KCNK2: variants seen among roughly 807,000 people sequenced by gnomAD.
KCNK2 encodes potassium channel subfamily K member 2.
KCNK2 carries 21 observed loss-of-function variants against 40.5 expected under a neutral mutation model. The observed-to-expected ratio is 0.52, with a 90% confidence interval of 0.37 to 0.75. The LOEUF is 0.75. KCNK2 is among the 30% of genes least tolerant of loss of function. KCNK2 has a pLI of 0.00. For synonymous variants in KCNK2, 191 were observed against 202.2 expected (o/e 0.94, Z 0.47); for missense variants, 399 against 531.6 (o/e 0.75, Z 2.45).
intron 6 of KCNK2, among the ~76,000 whole-genome samples, chr1:215,202,069 T>C (rs1298138168): frequency 6.6e-6 from 1 of 152,226 alleles, no homozygotes; most frequent in African/African-American, 2.4e-5. Flanking sequence ...AAATGACTAC[T>C]TGAAATTGGA....
At chr1:215,012,845 C>G (rs548550327) in intron 1 of KCNK2, among the ~76,000 whole-genome samples, 15 of 151,934 alleles carry the variant, frequency 9.9e-5, no homozygotes, top group African/African-American at 3.4e-4. Flanking sequence ...ATTCCCTTAG[C>G]CATCTTTTAT....
intron 1 of KCNK2, 109 bp from the exon 2 acceptor site, chr1:215,086,259 A>T: frequency 5.8e-6 from 5 of 864,846 alleles, no homozygotes; most frequent in Non-Finnish European, 9.1e-6. Flanking sequence ...AGCTTCCACT[A>T]GGAGAGCGAG....
intron 3 of KCNK2, among the ~76,000 whole-genome samples, chr1:215,148,171 A>C (rs1007669766): frequency 1.4e-5 from 2 of 139,752 alleles, no homozygotes; most frequent in African/African-American, 5.5e-5. Context: ...CCTCAACTTC[A>C]TGAGCTCAAG....
At chr1:215,071,949 T>C (rs753881643) in intron 1 of KCNK2, among the ~76,000 whole-genome samples, 1 of 152,190 alleles carries the variant, frequency 6.6e-6, no homozygotes, top group Non-Finnish European at 1.5e-5. Context: ...AGATCTTGCC[T>C]TTGTCTATAA....
chr1:215,228,754 C>T (rs2102708932), intron 6 of KCNK2, among the ~76,000 whole-genome samples: 1 of 152,154 alleles, frequency 6.6e-6, no homozygotes, highest in Middle Eastern at 3.4e-3. Flanking sequence ...TTATCCAGAA[C>T]ACCAAAAGCA....
At chr1:215,010,737 G>A (rs1189550180) in intron 1 of KCNK2, among the ~76,000 whole-genome samples, 1 of 151,978 alleles carries the variant, frequency 6.6e-6, no homozygotes, top group African/African-American at 2.4e-5. Context: ...TCTGAGTAGT[G>A]TGAGCCTGAG....
chr1:215,060,413 A>G (rs1480224998), intron 1 of KCNK2, among the ~76,000 whole-genome samples: 2 of 152,174 alleles, frequency 1.3e-5, no homozygotes, highest in African/African-American at 4.8e-5. Flanking sequence ...TGTAGCCTAG[A>G]CACTGTCTTT....
chr1:215,229,895 T>C (rs1666549994), intron 6 of KCNK2, among the ~76,000 whole-genome samples: 1 of 151,696 alleles, frequency 6.6e-6, no homozygotes, highest in Non-Finnish European at 1.5e-5. Context: ...TGTTTAGGCC[T>C]TAGAAGTAAT....
intron 1 of KCNK2, among the ~76,000 whole-genome samples, chr1:215,066,261 C>T (rs10746453): frequency 0.51 from 77,916 of 151,550 alleles, 20,770 homozygotes; most frequent in South Asian, 0.81. Flanking sequence ...ACTTAAAGTA[C>T]AATAAAAAAA....
chr1:215,044,795 A>ATGTGTG (rs150179184), intron 1 of KCNK2, among the ~76,000 whole-genome samples: 1,963 of 145,668 alleles, frequency 0.013, 21 homozygotes, highest in African/African-American at 0.025. Context: ...GGATAAGTGT[A>ATGTGTG]TGTGTGTGTG....
chr1:215,193,080 A>T (rs912040194), intron 5 of KCNK2, among the ~76,000 whole-genome samples: 1 of 152,024 alleles, frequency 6.6e-6, no homozygotes, highest in Non-Finnish European at 1.5e-5. Context: ...TAGCAAAATT[A>T]AATTTCTCTA....
chr1:215,016,988 T>C (rs1656613191), intron 1 of KCNK2, among the ~76,000 whole-genome samples: 1 of 151,990 alleles, frequency 6.6e-6, no homozygotes, highest in African/African-American at 2.4e-5. Flanking sequence ...TGTATAAAAA[T>C]ATGCTTAACA....
intron 5 of KCNK2, among the ~76,000 whole-genome samples, chr1:215,187,849 T>TA (rs768043797): frequency 2.9e-3 from 285 of 97,336 alleles, no homozygotes; most frequent in Middle Eastern, 9.9e-3. Context: ...CTCAAAAATT[T>TA]AAAAAAAAAA....
chr1:215,046,734 G>A (rs1379621904), intron 1 of KCNK2, among the ~76,000 whole-genome samples: 1 of 151,936 alleles, frequency 6.6e-6, no homozygotes, highest in Non-Finnish European at 1.5e-5. Context: ...CTGAGGTAAT[G>A]GTAAAAAAAT....
At chr1:215,226,558 C>T (rs887505089) in intron 6 of KCNK2, among the ~76,000 whole-genome samples, 18 of 152,112 alleles carry the variant, frequency 1.2e-4, no homozygotes, top group Non-Finnish European at 2.4e-4. Context: ...ATCTCCTGAC[C>T]TCGCGATTCA....
Position 215,036,932 on chromosome 1 carries a change from G to A in KCNK2, c.34+30977G>A, listed in dbSNP as rs532381481. 1.4e-4 allele frequency among the ~76,000 whole-genome samples: 21 copies of A among 148,502 alleles called. 1 individual carries two copies. The highest frequency in any genetic ancestry group is 2.4e-4 in the Non-Finnish European group (16 of 67,072). Reference sequence around the variant, plus strand: ...TAATATTTGCTTTGTAGATGCTTTAGAATTTACTAAGTGATGCCATCTGTA... The same window carrying A: ...TAATATTTGCTTTGTAGATGCTTTAAAATTTACTAAGTGATGCCATCTGTA... On this transcript the variant is annotated intron_variant, in intron 1 of 6. Transcript: ENST00000391895.
chr1:215,225,096 ACACTAAGCCCAGGAC>A, intron 6 of KCNK2, among the ~76,000 whole-genome samples: 1 of 152,204 alleles, frequency 6.6e-6, no homozygotes, highest in Non-Finnish European at 1.5e-5. Flanking sequence ...AAGAAAGCCA[ACACTAAGCCCAGGAC>A]TTGGCATATA....
chr1:215,230,017 T>TTATA (rs139170968), intron 6 of KCNK2, among the ~76,000 whole-genome samples: 14 of 145,502 alleles, frequency 9.6e-5, no homozygotes, highest in Admixed American at 9.0e-4. Flanking sequence ...CACACACAGA[T>TTATA]TATATATATA....
intron 2 of KCNK2, among the ~76,000 whole-genome samples, chr1:215,101,278 AAAC>A (rs755199856): frequency 7.2e-5 from 11 of 152,022 alleles, no homozygotes; most frequent in Non-Finnish European, 1.5e-4. Flanking sequence ...TCTGAAGACT[AAAC>A]AACGCCTAAT....
Sources: gnomAD v4.1 joint callset for allele counts (sites outside exome capture counted in the v4.1 genomes callset) on GRCh38, gnomAD v4.1.1 for gene constraint, MANE v1.5 for transcripts, NCBI Gene and HGNC (gene_info 2026-07-23, HGNC 2026-07-21) for gene names.